Variants in ABCA4 observed in about 807,000 individuals in gnomAD.
ABCA4 encodes retinal-specific phospholipid-transporting ATPase ABCA4.
ABCA4 carries 196 observed loss-of-function variants against 263.7 expected under a neutral mutation model. The ratio of observed to expected loss-of-function variants is 0.74; its 90% CI spans 0.66 to 0.84. The LOEUF (loss-of-function observed/expected upper bound fraction) is 0.84, where lower values mean the gene tolerates loss of function less well. Among genes scored for constraint, ABCA4 ranks in the 40% least tolerant of loss-of-function variants. The pLI is 0.00. For missense variants in ABCA4, 2,792 were observed against 2,855.1 expected (o/e 0.98, Z 0.50); for synonymous variants, 1,133 against 1,094.2 (o/e 1.04, Z -0.70).
chr1:94,055,434 G>A, intron 15 of ABCA4, 119 bp from the exon 16 acceptor site: 2 of 977,084 alleles, frequency 2.0e-6, no homozygotes, highest in South Asian at 2.9e-5. Context: ...GTCTCTCAGT[G>A]TAAGGTCAGC....
At chr1:94,043,186 TG>T in intron 21 of ABCA4, 149 bp downstream of exon 21, 1 of 1,172,964 alleles carries the variant, frequency 8.5e-7, no homozygotes, top group Non-Finnish European at 1.2e-6. Context: ...GAAAATGATC[TG>T]GGGGCTGCTC....
intron 4 of ABCA4, among the ~76,000 whole-genome samples, chr1:94,104,556 G>A (rs1378226488): frequency 6.6e-6 from 1 of 152,184 alleles, no homozygotes; most frequent in African/African-American, 2.4e-5. Flanking sequence ...AGTTTCCTCT[G>A]GAAGGGTCTT....
At chr1:94,033,469 T>C (rs553504927) in intron 26 of ABCA4, among the ~76,000 whole-genome samples, 91 of 148,758 alleles carry the variant, frequency 6.1e-4, no homozygotes, top group African/African-American at 2.1e-3. Flanking sequence ...ACAGGATTGG[T>C]TTGGAAATTT....
In ABCA4 at chr1:94,031,840, G is replaced by C; in HGVS notation, c.4066C>G (p.Gln1356Glu). The C allele has an allele frequency of 6.2e-7, 1 of 1,614,166 alleles. No homozygotes were observed. Among genetic ancestry groups the C allele is most frequent in the Non-Finnish European group, 8.5e-7 (1 of 1,180,044 alleles). ...TGGAATCTCTTGACCAGCAGCGCCT[G>C]CACATGCTGGAGGACCAGCTGTGTC... ...TGTQLVLQHV[Q>E]ALLVKRFQHT... Residue 1356 changes from glutamine to glutamate, a missense_variant, in exon 27 of 50, where the codon CAG becomes GAG. By Grantham distance (29) the Gln-to-Glu change is conservative. Coordinates refer to ENST00000370225, the MANE Select transcript of ABCA4 (RefSeq NM_000350.3).
rs137853898 is a variant in ABCA4 at position 94,040,055 on chromosome 1, G to A, written c.3595C>T (p.Gln1199Ter). ...GTCCAGTCCTTACCATCCAGGACTT[G>A]TTCTGGAGTTAGGTCATCGACGTGG... ...PAHVDDLTPEQVLDGDVNELM... is the reference protein window; with the variant it reads ...PAHVDDLTPE Residue 1199 changes from glutamine (Q) to a stop codon, truncating the protein, a stop_gained, in exon 24 of 50, where the codon CAA (glutamine) becomes TAA (stop). Coordinates refer to ENST00000370225, the MANE Select transcript of ABCA4 (RefSeq NM_000350.3). LOFTEE classifies it high-confidence loss of function. 1 of 1,606,118 alleles carries A rather than the reference G, an allele frequency of 6.2e-7. No homozygotes were observed. The highest frequency in any genetic ancestry group is 8.5e-7 in the Non-Finnish European group (1 of 1,175,764).
chr1:94,025,039 G>T lies in ABCA4; in HGVS notation c.4549C>A (p.Arg1517Ser), dbSNP rs1800550. 6.8e-6 allele frequency: 11 copies of T among 1,613,982 alleles called. No individual in the cohort carries two copies. Among genetic ancestry groups the T allele is most frequent in the Non-Finnish European group, 9.3e-6 (11 of 1,179,982 alleles). The change falls in exon 31 of 50, where the codon CGC becomes AGC. Residue 1517 changes from arginine to serine, a missense_variant. Arg to Ser is a moderately radical substitution (Grantham distance 110). Coordinates refer to ENST00000370225, the MANE Select transcript of ABCA4 (RefSeq NM_000350.3). ...AGGTCTTGTAGAATTTCCGTGCTGC[G>T]CTGTGTTCTCTGAGGCAATGAGACA... ...GGLPPPQRTQRSTEILQDLTD... is the reference protein window; with the variant it reads ...GGLPPPQRTQSSTEILQDLTD...
rs182938169 is a variant in ABCA4 at position 94,041,886 on chromosome 1, G to A, written c.3329-484C>T. Among the ~76,000 whole-genome samples the A allele has an allele frequency of 2.0e-3, 305 of 152,116 alleles. 2 individuals carry two copies. Among genetic ancestry groups the A allele is most frequent in the Non-Finnish European group, 2.3e-3 (157 of 67,986 alleles). ...CAAGGCGGGAGGATCACCTGAGGTCGGGAGATCGAGACCATCCTGGCTAAC... is the reference window on the plus strand; with the variant it reads ...CAAGGCGGGAGGATCACCTGAGGTCAGGAGATCGAGACCATCCTGGCTAAC... On this transcript the variant is annotated intron_variant, in intron 22 of 49. Coordinates refer to ENST00000370225, the MANE Select transcript of ABCA4 (RefSeq NM_000350.3).
At position 94,014,676 on chromosome 1, in the gene ABCA4, G is replaced by A. The variant is rs1553187939; in HGVS notation, c.5327C>T (p.Pro1776Leu). 5 of 1,614,038 alleles carry A rather than the reference G, an allele frequency of 3.1e-6. No homozygotes were observed. Among genetic ancestry groups the A allele is most frequent in the East Asian group, 2.2e-5 (1 of 44,902 alleles). The change falls in exon 38 of 50, where the codon CCC (proline) becomes CTC (leucine). Residue 1776 changes from proline (P) to leucine (L), a missense_variant. Pro to Leu is a moderately conservative substitution (Grantham distance 98). Transcript: ENST00000370225. ...CAGGAAGGATGCTGGGTACATCATG[G>A]GAATGACCGCCCATCTGTGTGAAAT... ...LLLLYGWAVI[P>L]MMYPASFLFD...
intron 23 of ABCA4, among the ~76,000 whole-genome samples, chr1:94,040,519 T>C (rs1660459285): frequency 1.3e-5 from 2 of 152,316 alleles, no homozygotes; most frequent in South Asian, 4.1e-4. Context: ...ATCATAATCA[T>C]GACCATTTGA....
At chr1:94,066,612 GGGATCA>G (rs1388237542) in intron 11 of ABCA4, among the ~76,000 whole-genome samples, 1 of 152,254 alleles carries the variant, frequency 6.6e-6, no homozygotes, top group African/African-American at 2.4e-5. Flanking sequence ...TGAAGAAATT[GGGATCA>G]GAGGAGCAAA....
At chr1:94,030,297 G>A (rs1429891395) in intron 29 of ABCA4, 131 bp downstream of exon 29, 3 of 797,456 alleles carry the variant, frequency 3.8e-6, no homozygotes, top group Non-Finnish European at 6.4e-6. Context: ...GGGGAGTGCT[G>A]GTCAGAGACA....
At position 94,007,679 on chromosome 1, in the gene ABCA4, C is replaced by T; in HGVS notation, c.5960G>A (p.Gly1987Glu). 6.2e-7 allele frequency: 1 copy of T among 1,614,058 alleles called. No homozygotes were observed. Among genetic ancestry groups the T allele is most frequent in the Non-Finnish European group, 8.5e-7 (1 of 1,179,998 alleles). The part of the protein sequence containing the change: ...GKTTTFKMLT[G>E]DTTVTSGDAT... ...ATCCCCTGAGGTCACTGTGGTGTCC[C>T]CAGTGAGCATCTTGAATGTGGTTGT... The change falls in exon 43 of 50, where the codon GGG becomes GAG. Residue 1987 changes from glycine to glutamate, a missense_variant. Physicochemically the swap from Gly to Glu is moderately conservative, Grantham distance 98. Coordinates refer to ENST00000370225, the MANE Select transcript of ABCA4 (RefSeq NM_000350.3).
chr1:94,026,853 T>A (rs1660051063), intron 30 of ABCA4, among the ~76,000 whole-genome samples: 1 of 152,040 alleles, frequency 6.6e-6, no homozygotes, highest in South Asian at 2.1e-4. Flanking sequence ...CTGGACTTAT[T>A]CCAGGCTGAA....
intron 12 of ABCA4, 121 bp from the exon 13 acceptor site, chr1:94,062,874 G>C: frequency 8.5e-7 from 1 of 1,178,580 alleles, no homozygotes; most frequent in Non-Finnish European, 1.2e-6. Flanking sequence ...GCTTCAAAAG[G>C]ATCCAATTCT....
At chr1:94,073,224 C>T (rs1411742178) in intron 11 of ABCA4, among the ~76,000 whole-genome samples, 3 of 152,204 alleles carry the variant, frequency 2.0e-5, no homozygotes, top group African/African-American at 7.2e-5. Flanking sequence ...CATTTCCTCC[C>T]CGCTATCTTC....
intron 6 of ABCA4, among the ~76,000 whole-genome samples, chr1:94,094,763 G>A (rs1030714749): frequency 5.3e-5 from 8 of 152,194 alleles, no homozygotes; most frequent in African/African-American, 1.9e-4. Context: ...GGGGGAAGAG[G>A]GGGAGGAGGA....
Position 94,098,965 on chromosome 1 carries a change from C to T in ABCA4, c.597G>A (p.Ala199=), listed in dbSNP as rs771340174. Residue 199 remains alanine, a synonymous_variant, in exon 6 of 50, where the codon GCG becomes GCA. Coordinates refer to ENST00000370225, the MANE Select transcript of ABCA4 (RefSeq NM_000350.3). ...CCTCGCTGCAGGCGATGTCCTTCAG[C>T]GCCAGGTCCGGGACTCCATGAGCGA... ...EQFAHGVPDL[A]LKDIACSEAL... 1.8e-5 allele frequency: 29 copies of T among 1,610,402 alleles called. No individual in the cohort carries two copies. The highest frequency in any genetic ancestry group is 1.6e-4 in the East Asian group (7 of 44,876).
chr1:94,021,199 G>A (rs931286316), intron 35 of ABCA4, 41 bp downstream of exon 35: 12 of 1,613,190 alleles, frequency 7.4e-6, no homozygotes, highest in Non-Finnish European at 1.0e-5. Flanking sequence ...GAGTGGAGAA[G>A]GTGACAAGAA....
chr1:94,112,043 A>C (rs1662621211), intron 2 of ABCA4, among the ~76,000 whole-genome samples: 1 of 152,210 alleles, frequency 6.6e-6, no homozygotes, highest in South Asian at 2.1e-4. Flanking sequence ...GATGGACAGG[A>C]GGCTGATTCA....
Sources: gnomAD v4.1 joint callset for allele counts (sites outside exome capture counted in the v4.1 genomes callset) on GRCh38, gnomAD v4.1.1 for gene constraint, MANE v1.5 for transcripts, NCBI Gene and HGNC (gene_info 2026-07-23, HGNC 2026-07-21) for gene names.